Variants in ARHGAP42 observed in about 807,000 individuals in gnomAD.
The protein encoded by ARHGAP42 is Rho GTPase activating protein 42, also known as rho GTPase-activating protein 42.
In ARHGAP42, 63 loss-of-function variants were observed where a neutral mutation model predicts 125.0. That is an observed-to-expected ratio of 0.50 (90% CI 0.41 to 0.62). ARHGAP42 has a LOEUF of 0.62. Among genes scored for constraint, ARHGAP42 ranks in the 20% least tolerant of loss-of-function variants. The pLI, the probability that ARHGAP42 is intolerant of heterozygous loss-of-function variation, is 0.00. For synonymous variants in ARHGAP42, 339 were observed against 351.0 expected (o/e 0.97, Z 0.38); for missense variants, 766 against 1,024.2 (o/e 0.75, Z 3.44).
intron 2 of ARHGAP42, among the ~76,000 whole-genome samples, chr11:100,779,932 G>A (rs1002101097): frequency 4.8e-4 from 72 of 151,154 alleles, no homozygotes; most frequent in Non-Finnish European, 7.1e-4. Flanking sequence ...AGGCTGAGGC[G>A]GGAGAATTGC....
rs1451426471 is a variant in ARHGAP42 at position 100,993,645 on chromosome 11, A to G, written c.*4844A>G. On this transcript the variant is annotated 3_prime_UTR_variant, in exon 24 of 24. Transcript: ENST00000298815. ...TAAAATTTGAGGTACTGTAGTTTATATAAAAGTCGGATGTTAAGATATTAT... is the reference window on the plus strand; with the variant it reads ...TAAAATTTGAGGTACTGTAGTTTATGTAAAAGTCGGATGTTAAGATATTAT... 1 of 167,090 alleles carries G rather than the reference A, an allele frequency of 6.0e-6. No individual in the cohort carries two copies. Among genetic ancestry groups the G allele is most frequent in the Non-Finnish European group, 1.5e-5 (1 of 68,118 alleles). The allele number at this position is 167,090 out of a possible 1,614,324, so 10.4% of individuals were successfully genotyped here.
At chr11:100,960,254 A>G (rs2135298613) in intron 13 of ARHGAP42, among the ~76,000 whole-genome samples, 1 of 149,612 alleles carries the variant, frequency 6.7e-6, no homozygotes, top group South Asian at 2.1e-4. Flanking sequence ...CCAAGCATTA[A>G]GGAGGTAAGA....
intron 3 of ARHGAP42, among the ~76,000 whole-genome samples, chr11:100,805,844 T>C (rs1863975358): frequency 6.6e-6 from 1 of 152,178 alleles, no homozygotes; most frequent in African/African-American, 2.4e-5. Context: ...TAATGAACAA[T>C]GAGGATGACC....
intron 2 of ARHGAP42, among the ~76,000 whole-genome samples, chr11:100,786,714 C>G (rs1863444500): frequency 6.6e-6 from 1 of 152,126 alleles, no homozygotes; most frequent in Admixed American, 6.6e-5. Flanking sequence ...ACCCTGGAGT[C>G]ATCATAATTA....
chr11:100,921,456 A>G, intron 5 of ARHGAP42, 38 bp from the exon 6 acceptor site: 1 of 1,420,830 alleles, frequency 7.0e-7, no homozygotes, highest in Non-Finnish European at 9.6e-7. Context: ...CTCTCTATGT[A>G]GAACCATCAG....
intron 15 of ARHGAP42, 115 bp from the exon 16 acceptor site, chr11:100,962,294 T>C (rs1857975640): frequency 1.2e-6 from 1 of 826,858 alleles, no homozygotes; most frequent in Non-Finnish European, 1.8e-6. Flanking sequence ...ATTTATGTGT[T>C]ATTTTATTTT....
rs1214743575 is a variant in ARHGAP42 at position 100,935,606 on chromosome 11, A to G, written c.703-597A>G. Among the ~76,000 whole-genome samples, 5 of 152,038 alleles carry G rather than the reference A, an allele frequency of 3.3e-5. 1 individual carries two copies. The highest frequency in any genetic ancestry group is 1.2e-4 in the African/African-American group (5 of 41,480). Reference sequence around the variant, plus strand: ...TGCATCCTATATTTTTTTAATTGCCATAGTTTACCCCCTAAGTAATAATGT... The same window carrying G: ...TGCATCCTATATTTTTTTAATTGCCGTAGTTTACCCCCTAAGTAATAATGT... On this transcript the variant is annotated intron_variant, in intron 7 of 23. Coordinates refer to ENST00000298815, the MANE Select transcript of ARHGAP42 (RefSeq NM_152432.4).
At chr11:100,973,570 T>C (rs1858310383) in intron 18 of ARHGAP42, among the ~76,000 whole-genome samples, 1 of 152,236 alleles carries the variant, frequency 6.6e-6, no homozygotes, top group South Asian at 2.1e-4. Context: ...GGTAAGTTTA[T>C]TGCTCCTGTG....
chr11:100,892,733 A>C (rs1382225762), intron 4 of ARHGAP42, among the ~76,000 whole-genome samples: 1 of 152,188 alleles, frequency 6.6e-6, no homozygotes, highest in Non-Finnish European at 1.5e-5. Context: ...CTGCCCTTAA[A>C]ATAAAAGCAC....
chr11:100,854,500 A>G (rs1350421065), intron 3 of ARHGAP42, among the ~76,000 whole-genome samples: 1 of 152,124 alleles, frequency 6.6e-6, no homozygotes, highest in Non-Finnish European at 1.5e-5. Context: ...TTTAGATGAC[A>G]ATATGTTTTT....
chr11:100,898,236 A>T (rs969846245), intron 4 of ARHGAP42, among the ~76,000 whole-genome samples: 3 of 152,150 alleles, frequency 2.0e-5, no homozygotes, highest in African/African-American at 7.2e-5. Flanking sequence ...TGCTGGATTC[A>T]GTTTGCCAGT....
intron 6 of ARHGAP42, among the ~76,000 whole-genome samples, chr11:100,923,567 C>T (rs1244503691): frequency 4.0e-5 from 6 of 151,312 alleles, no homozygotes; most frequent in Non-Finnish European, 7.4e-5. Flanking sequence ...AAAAAATGTT[C>T]GTTCACAGGT....
At chr11:100,945,510 AAAT>A (rs1217694626) in intron 10 of ARHGAP42, among the ~76,000 whole-genome samples, 1 of 152,138 alleles carries the variant, frequency 6.6e-6, no homozygotes, top group Non-Finnish European at 1.5e-5. Flanking sequence ...TGTGTTTCTT[AAAT>A]AATAAGACTC....
At chr11:100,767,436 A>G (rs527918492) in intron 1 of ARHGAP42, among the ~76,000 whole-genome samples, 13 of 152,314 alleles carry the variant, frequency 8.5e-5, no homozygotes, top group Non-Finnish European at 1.8e-4. Context: ...TAAGTGGGCC[A>G]CTGTGTTCTT....
intron 4 of ARHGAP42, among the ~76,000 whole-genome samples, chr11:100,893,022 A>C (rs1170937596): frequency 6.6e-6 from 1 of 152,084 alleles, no homozygotes; most frequent in African/African-American, 2.4e-5. Flanking sequence ...TATTTCCTTC[A>C]CCTTGGATTT....
At chr11:100,971,179 T>G (rs1481170174) in intron 17 of ARHGAP42, among the ~76,000 whole-genome samples, 1 of 152,154 alleles carries the variant, frequency 6.6e-6, no homozygotes, top group Admixed American at 6.5e-5. Context: ...TATTTCTTTA[T>G]TCTTTAAGTT....
At chr11:100,773,690 A>G (rs561816234) in intron 2 of ARHGAP42, among the ~76,000 whole-genome samples, 2 of 152,208 alleles carry the variant, frequency 1.3e-5, no homozygotes, top group Admixed American at 6.5e-5. Flanking sequence ...AGTGAACTTG[A>G]TATCTCAACA....
intron 3 of ARHGAP42, among the ~76,000 whole-genome samples, chr11:100,805,744 G>A (rs377584532): frequency 1.3e-5 from 2 of 152,188 alleles, no homozygotes; most frequent in African/African-American, 4.8e-5. Context: ...ACCATGTAGG[G>A]TAACTTCCTG....
At chr11:100,709,138 C>T (rs1021275192) in intron 1 of ARHGAP42, among the ~76,000 whole-genome samples, 1 of 152,234 alleles carries the variant, frequency 6.6e-6, no homozygotes, top group East Asian at 1.9e-4. Context: ...CTCCTGGTTT[C>T]AAGCGATTCT....
Sources: gnomAD v4.1 joint callset for allele counts (sites outside exome capture counted in the v4.1 genomes callset) on GRCh38, gnomAD v4.1.1 for gene constraint, MANE v1.5 for transcripts, NCBI Gene and HGNC (gene_info 2026-07-23, HGNC 2026-07-21) for gene names.